Variants in YKT6 observed in about 807,000 individuals in gnomAD.
The protein encoded by YKT6 is YKT6 vesicular SNARE protein, also known as synaptobrevin homolog YKT6.
In YKT6, 12 loss-of-function variants were observed where a neutral mutation model predicts 29.3. The ratio of observed to expected loss-of-function variants is 0.41; its 90% CI spans 0.26 to 0.66. The LOEUF (loss-of-function observed/expected upper bound fraction) is 0.66, where lower values mean the gene tolerates loss of function less well. Among genes scored for constraint, YKT6 ranks in the 30% least tolerant of loss-of-function variants. The pLI is 0.32. For missense variants in YKT6, 188 were observed against 243.8 expected, an observed-to-expected ratio of 0.77 and a Z score of 1.52; for synonymous variants, 86 against 94.3, an observed-to-expected ratio of 0.91 and a Z score of 0.51.
At chr7:44,202,182 T>TGA (rs145698596) in intron 1 of YKT6, among the ~76,000 whole-genome samples, 1,912 of 152,204 alleles carry the variant, frequency 0.013, 15 homozygotes, top group Middle Eastern at 0.02. Context: ...TGGTTCTTGA[T>TGA]GAGAGTTCTT....
At chr7:44,201,466 C>G (rs2096335638) in intron 1 of YKT6, among the ~76,000 whole-genome samples, 1 of 152,086 alleles carries the variant, frequency 6.6e-6, no homozygotes, top group East Asian at 1.9e-4. Flanking sequence ...CGGGCTTGGT[C>G]TCCTATAATG....
chr7:44,206,580 G>A, intron 3 of YKT6, 95 bp downstream of exon 3: 1 of 1,076,044 alleles, frequency 9.3e-7, no homozygotes, highest in Non-Finnish European at 1.4e-6. Flanking sequence ...AGACATAAGG[G>A]ATGAAATGAT....
Position 44,210,668 on chromosome 7 carries a change from G to A in YKT6, c.460-355G>A, listed in dbSNP as rs548881113. ...CTTTTTTCCAAAGCTCCATGCACAC[G>A]CACATGTGCGTGCACACACACACAC... is the stretch of plus-strand genomic sequence containing the variant. On this transcript the variant is annotated intron_variant, in intron 5 of 6. Transcript: ENST00000223369. 810 of 356,002 alleles carry A rather than the reference G, an allele frequency of 2.3e-3. 14 individuals carry two copies. Among genetic ancestry groups the A allele is most frequent in the South Asian group, 0.017 (789 of 47,344 alleles). 22.1% of individuals were successfully genotyped at this position (356,002 alleles called of 1,614,324 possible).
At chr7:44,211,907 G>C (rs1178225301) in intron 6 of YKT6, among the ~76,000 whole-genome samples, 3 of 152,228 alleles carry the variant, frequency 2.0e-5, no homozygotes, top group African/African-American at 7.2e-5. Flanking sequence ...GTGGGGCAAA[G>C]TTAAGATATT....
chr7:44,201,014 C>A lies in YKT6; in HGVS notation c.-122C>A, dbSNP rs1255437461. ...CAGGAGGAGGAAGCCGGCGGTGGCC[C>A]CGTCAGCAGCCGGCTGCTGAGAGGC... On this transcript the variant is annotated 5_prime_UTR_variant, in exon 1 of 7. Coordinates refer to ENST00000223369, the MANE Select transcript of YKT6 (RefSeq NM_006555.4). 5.4e-6 allele frequency: 4 copies of A among 745,172 alleles called. No homozygotes were observed. The highest frequency in any genetic ancestry group is 1.9e-5 in the African/African-American group (1 of 52,598). 46.2% of individuals were successfully genotyped at this position (745,172 alleles called of 1,614,324 possible). A position where few individuals can be genotyped will look rare whatever the true frequency, so the allele number is the denominator to read the frequency against.
chr7:44,204,566 A>C lies in YKT6; in HGVS notation c.105-2A>C. 1 of 1,614,194 alleles carries C rather than the reference A, an allele frequency of 6.2e-7. No homozygotes were observed. The highest frequency in any genetic ancestry group is 8.5e-7 in the Non-Finnish European group (1 of 1,179,990). On this transcript the variant is annotated splice_acceptor_variant, in intron 1 of 6. Coordinates refer to ENST00000223369, the MANE Select transcript of YKT6 (RefSeq NM_006555.4). LOFTEE classifies it high-confidence loss of function. The stretch of plus-strand genomic sequence containing the variant: ...GCAATAAATACATTTTGTGTTTCTT[A>C]GCGTTCAGGAATTCATGACCTTCAC...
At chr7:44,212,155 C>A in intron 6 of YKT6, 92 bp from the exon 7 acceptor site, 1 of 1,502,642 alleles carries the variant, frequency 6.7e-7, no homozygotes, top group South Asian at 1.1e-5. Context: ...CTGGCTGTGT[C>A]CTGTGGAGCT....
chr7:44,207,346 A>C (rs2096341866), intron 3 of YKT6, 42 bp from the exon 4 acceptor site: 1 of 1,571,388 alleles, frequency 6.4e-7, no homozygotes, highest in Admixed American at 1.7e-5. Flanking sequence ...ACCACTGGTG[A>C]GTGCACAGTG....
At chr7:44,209,511 C>T (rs979471694) in intron 5 of YKT6, among the ~76,000 whole-genome samples, 1 of 152,216 alleles carries the variant, frequency 6.6e-6, no homozygotes, top group African/African-American at 2.4e-5. Flanking sequence ...CCCGCTGTTT[C>T]TCCTCTCCCC....
chr7:44,201,093 G>C lies in YKT6; in HGVS notation c.-43G>C. Reference sequence around the variant, plus strand: ...GCGGCCGCGCTGCTCCCTGAGAACGGGTCCCGCAGCTGGGCAGGCGGGCGG... The same window carrying C: ...GCGGCCGCGCTGCTCCCTGAGAACGCGTCCCGCAGCTGGGCAGGCGGGCGG... On this transcript the variant is annotated 5_prime_UTR_variant, in exon 1 of 7. Coordinates refer to ENST00000223369, the MANE Select transcript of YKT6 (RefSeq NM_006555.4). The C allele has an allele frequency of 6.6e-7, 1 of 1,521,622 alleles. No individual in the cohort carries two copies. Among genetic ancestry groups the C allele is most frequent in the Non-Finnish European group, 8.8e-7 (1 of 1,131,552 alleles). 94.3% of individuals were successfully genotyped at this position (1,521,622 alleles called of 1,614,324 possible).
Position 44,204,593 on chromosome 7 carries a change from A to G in YKT6, c.130A>G (p.Ser44Gly), listed in dbSNP as rs1265224121. 1 of 1,614,232 alleles carries G rather than the reference A, an allele frequency of 6.2e-7. No individual in the cohort carries two copies. Among genetic ancestry groups the G allele is most frequent in the African/African-American group, 1.3e-5 (1 of 75,058 alleles). ...SSVQEFMTFT[S>G]QLIVERSSKG... Reference sequence around the variant, plus strand: ...CGTTCAGGAATTCATGACCTTCACGAGTCAACTGATTGTGGAGCGCTCATC... The same window carrying G: ...CGTTCAGGAATTCATGACCTTCACGGGTCAACTGATTGTGGAGCGCTCATC... The change falls in exon 2 of 7, where the codon AGT becomes GGT. Residue 44 changes from serine (S) to glycine (G), a missense_variant. Ser to Gly is a moderately conservative substitution (Grantham distance 56). Coordinates refer to ENST00000223369, the MANE Select transcript of YKT6 (RefSeq NM_006555.4).
rs746126500 is a variant in YKT6 at position 44,201,096 on chromosome 7, C to G, written c.-40C>G. The G allele has an allele frequency of 6.5e-7, 1 of 1,527,540 alleles. No homozygotes were observed. Among genetic ancestry groups the G allele is most frequent in the South Asian group, 1.2e-5 (1 of 82,894 alleles). The allele number at this position is 1,527,540 out of a possible 1,614,324, so 94.6% of individuals were successfully genotyped here. A position where few individuals can be genotyped will look rare whatever the true frequency, so the allele number is the denominator to read the frequency against. ...GCCGCGCTGCTCCCTGAGAACGGGT[C>G]CCGCAGCTGGGCAGGCGGGCGGCCT... is the stretch of plus-strand genomic sequence containing the variant. On this transcript the variant is annotated 5_prime_UTR_variant, in exon 1 of 7. Transcript: ENST00000223369.
At chr7:44,206,669 C>T (rs1161740188) in intron 3 of YKT6, among the ~76,000 whole-genome samples, 184 bp downstream of exon 3, 2 of 152,144 alleles carry the variant, frequency 1.3e-5, no homozygotes, top group Non-Finnish European at 2.9e-5. Flanking sequence ...TGGGTTTCCT[C>T]CCCGGTGCTG....
chr7:44,212,330 C>G lies in YKT6; in HGVS notation c.*48C>G, dbSNP rs761845497. ...GCTGGAATGGCACCATCATTCACAT[C>G]AGAACTGCAGCCCCTGGAAAAGAAG... On this transcript the variant is annotated 3_prime_UTR_variant, in exon 7 of 7. Coordinates refer to ENST00000223369, the MANE Select transcript of YKT6 (RefSeq NM_006555.4). 16 of 1,603,614 alleles carry G rather than the reference C, an allele frequency of 1.0e-5. No homozygotes were observed. The highest frequency in any genetic ancestry group is 1.4e-5 in the Non-Finnish European group (16 of 1,171,888).
intron 6 of YKT6, chr7:44,211,600 C>G (rs17176840): frequency 0.019 from 18,851 of 1,010,576 alleles, 183 homozygotes; most frequent in South Asian, 0.035. Flanking sequence ...GCCGCTTTCT[C>G]TCAGGTCAGT....
chr7:44,210,925 A>G, intron 5 of YKT6, 98 bp from the exon 6 acceptor site: 1 of 1,251,382 alleles, frequency 8.0e-7, no homozygotes, highest in South Asian at 1.2e-5. Flanking sequence ...GTTGGAGAGG[A>G]ACCCAGGTAA....
chr7:44,214,064 A>G lies in YKT6; in HGVS notation c.*1782A>G, dbSNP rs1480058874. The G allele has an allele frequency of 1.3e-5, 2 of 152,284 alleles. No homozygotes were observed. The highest frequency in any genetic ancestry group is 2.9e-5 in the Non-Finnish European group (2 of 68,092). 9.4% of individuals were successfully genotyped at this position (152,284 alleles called of 1,614,324 possible). ...AAAATGGAGGTATGAATTTGGGGTAAGAGGAAGTGAGATCTCCGCTTGCAG... is the reference window on the plus strand; with the variant it reads ...AAAATGGAGGTATGAATTTGGGGTAGGAGGAAGTGAGATCTCCGCTTGCAG... On this transcript the variant is annotated 3_prime_UTR_variant, in exon 7 of 7. Coordinates refer to ENST00000223369, the MANE Select transcript of YKT6 (RefSeq NM_006555.4).
rs558736302 is a variant in YKT6, at chr7:44,213,232, G to A, written c.*950G>A. 3.9e-5 allele frequency: 6 copies of A among 152,266 alleles called. No individual in the cohort carries two copies. The highest frequency in any genetic ancestry group is 7.3e-5 in the Non-Finnish European group (5 of 68,070). The allele number at this position is 152,266 out of a possible 1,614,324, so 9.4% of individuals were successfully genotyped here. On this transcript the variant is annotated 3_prime_UTR_variant, in exon 7 of 7. Transcript: ENST00000223369. Reference sequence around the variant, plus strand: ...TCAAAATTGATTTTTATTTGACTCTGTGGCTCTAAGACTGCCTTGAACCGC... The same window carrying A: ...TCAAAATTGATTTTTATTTGACTCTATGGCTCTAAGACTGCCTTGAACCGC...
chr7:44,211,533 CTT>C, intron 6 of YKT6: 1 of 1,009,640 alleles, frequency 9.9e-7, no homozygotes, highest in Non-Finnish European at 1.2e-6. Flanking sequence ...GGTTCTTAAG[CTT>C]TTAATTTCCC....
Sources: allele counts gnomAD v4.1 joint callset (sites outside exome capture counted in the v4.1 genomes callset), GRCh38; gene constraint gnomAD v4.1.1; transcripts MANE v1.5; gene names NCBI Gene and HGNC (gene_info 2026-07-23, HGNC 2026-07-21).